Variants in ZNF487 observed in about 807,000 individuals in gnomAD.
ZNF487 encodes the protein zinc finger protein 487, also known as KRAB domain only 1.
ZNF487 carries 4 observed loss-of-function variants against 3.0 expected under a neutral mutation model. The ratio of observed to expected loss-of-function variants is 1.35; its 90% confidence interval spans 0.66 to 3.08. The LOEUF (loss-of-function observed/expected upper bound fraction) is 3.08, where lower values mean the gene tolerates loss of function less well. Ranked by LOEUF, ZNF487 falls within the 30% of genes most tolerant of loss-of-function variation. The pLI, the probability that ZNF487 is intolerant of heterozygous loss-of-function variation, is 0.01. For missense variants in ZNF487, 146 were observed against 98.7 expected (o/e 1.48, Z -2.03); for synonymous variants, 55 against 34.6 (o/e 1.59, Z -2.06).
the ZNF487 span, among the ~76,000 whole-genome samples, chr10:43,497,497 G>T: frequency 2.0e-5 from 3 of 152,148 alleles, no homozygotes; most frequent in Non-Finnish European, 4.4e-5. Flanking sequence ...GCAGATTGGG[G>T]AGCAGGCAGC....
In ZNF487 at chr10:43,482,020, G is replaced by A; in HGVS notation, c.*98G>A. ...GAGTCACCATGAATTCAATGAATGT[G>A]AGAGGAGGTCTGGTGAGAGGCCACC... On this transcript the variant is annotated 3_prime_UTR_variant, in exon 4 of 4. Coordinates refer to ENST00000437590, the MANE Select transcript of ZNF487 (RefSeq NM_001355444.3). 1 of 588,100 alleles carries A rather than the reference G, an allele frequency of 1.7e-6. No homozygotes were observed. The highest frequency in any genetic ancestry group is 3.0e-6 in the Non-Finnish European group (1 of 334,386). The allele number at this position is 588,100 out of a possible 1,614,324, so 36.4% of individuals were successfully genotyped here.
At chr10:43,457,786 G>A (rs1214718863) in intron 1 of ZNF487, among the ~76,000 whole-genome samples, 3 of 151,968 alleles carry the variant, frequency 2.0e-5, no homozygotes, top group Non-Finnish European at 4.4e-5. Flanking sequence ...ACTTTGGGAG[G>A]CCGAGGCGGG....
At chr10:43,440,755 C>G (rs1042667688) in intron 1 of ZNF487, among the ~76,000 whole-genome samples, 1 of 151,842 alleles carries the variant, frequency 6.6e-6, no homozygotes, top group Non-Finnish European at 1.5e-5. Context: ...CCTAGGGTAA[C>G]CACTGTCTTC....
chr10:43,498,573 C>T, the ZNF487 span, among the ~76,000 whole-genome samples: 3 of 151,646 alleles, frequency 2.0e-5, no homozygotes, highest in African/African-American at 7.2e-5. Flanking sequence ...CCACCGTGCC[C>T]AGTCCATAGA....
chr10:43,448,785 C>G (rs938763566), intron 1 of ZNF487, among the ~76,000 whole-genome samples: 3 of 151,592 alleles, frequency 2.0e-5, no homozygotes, highest in Non-Finnish European at 2.9e-5. Flanking sequence ...CCACTGTACT[C>G]CAGCCTAGGT....
chr10:43,475,984 A>C lies in ZNF487; in HGVS notation c.35-123A>C. 3 of 663,608 alleles carry C rather than the reference A, an allele frequency of 4.5e-6. No homozygotes were observed. In the Admixed American group the frequency reaches 6.9e-5, roughly 15 times the overall value. The allele number at this position is 663,608 out of a possible 1,614,324, so 41.1% of individuals were successfully genotyped here. A position where few individuals can be genotyped will look rare whatever the true frequency, so the allele number is the denominator to read the frequency against. Reference sequence around the variant, plus strand: ...GAAGCTTGATTGATCCCTTCTGGGCACTGTAAAGAATATCTGTGGTGTTTT... The same window carrying C: ...GAAGCTTGATTGATCCCTTCTGGGCCCTGTAAAGAATATCTGTGGTGTTTT... On this transcript the variant is annotated intron_variant, in intron 2 of 3. Coordinates refer to ENST00000437590, the MANE Select transcript of ZNF487 (RefSeq NM_001355444.3).
chr10:43,516,527 C>G, the ZNF487 span, among the ~76,000 whole-genome samples: 1 of 152,092 alleles, frequency 6.6e-6, no homozygotes, highest in Admixed American at 6.5e-5. Context: ...AGTCTTAACT[C>G]ACATCATCAC....
At chr10:43,489,361 A>G in the ZNF487 span, among the ~76,000 whole-genome samples, 1 of 152,052 alleles carries the variant, frequency 6.6e-6, no homozygotes, top group Non-Finnish European at 1.5e-5. Flanking sequence ...ATTTATTTTT[A>G]TTTATTTTTT....
At chr10:43,480,299 G>T (rs546358393) in intron 3 of ZNF487, among the ~76,000 whole-genome samples, 4 of 150,908 alleles carry the variant, frequency 2.7e-5, no homozygotes, top group African/African-American at 9.7e-5. Context: ...GTAGAGACAG[G>T]GTTTCACCAT....
downstream of ZNF487, among the ~76,000 whole-genome samples, chr10:43,483,536 T>G (rs201368585): frequency 2.7e-3 from 5 of 1,824 alleles, no homozygotes; most frequent in African/African-American, 0.014. Flanking sequence ...CCAGCCCTTC[T>G]TTTTTTTTTG....
chr10:43,470,883 G>A (rs979659128), intron 1 of ZNF487, among the ~76,000 whole-genome samples: 2 of 151,626 alleles, frequency 1.3e-5, no homozygotes, highest in Non-Finnish European at 2.9e-5. Flanking sequence ...ACAGTGGCAC[G>A]ATCATAGCTC....
chr10:43,467,804 G>A (rs1360447544), intron 1 of ZNF487, among the ~76,000 whole-genome samples: 2 of 148,122 alleles, frequency 1.4e-5, no homozygotes, highest in Non-Finnish European at 3.0e-5. Context: ...GCAACAGAAT[G>A]AGACTCTATC....
the ZNF487 span, among the ~76,000 whole-genome samples, chr10:43,494,959 G>A: frequency 1.0e-4 from 15 of 148,298 alleles, no homozygotes; most frequent in African/African-American, 3.2e-4. Flanking sequence ...AAATCAGCAC[G>A]CTGGAAGAAA....
the ZNF487 span, among the ~76,000 whole-genome samples, chr10:43,502,153 C>T: frequency 1.3e-5 from 2 of 152,132 alleles, no homozygotes; most frequent in African/African-American, 2.4e-5. Flanking sequence ...CAATGATAGA[C>T]TGGATTAAGA....
chr10:43,482,012 A>G lies in ZNF487; in HGVS notation c.*90A>G, dbSNP rs1841383528. On this transcript the variant is annotated 3_prime_UTR_variant, in exon 4 of 4. Coordinates refer to ENST00000437590, the MANE Select transcript of ZNF487 (RefSeq NM_001355444.3). ...ATAAGGAAGAGTCACCATGAATTCAATGAATGTGAGAGGAGGTCTGGTGAG... is the reference window on the plus strand; with the variant it reads ...ATAAGGAAGAGTCACCATGAATTCAGTGAATGTGAGAGGAGGTCTGGTGAG... 1 of 589,298 alleles carries G rather than the reference A, an allele frequency of 1.7e-6. No homozygotes were observed. Among genetic ancestry groups the G allele is most frequent in the African/African-American group, 1.9e-5 (1 of 53,630 alleles). The allele number at this position is 589,298 out of a possible 1,614,324, so 36.5% of individuals were successfully genotyped here. A position where few individuals can be genotyped will look rare whatever the true frequency, so the allele number is the denominator to read the frequency against.
rs538067414 is a variant in ZNF487, at chr10:43,482,003, A to G, written c.*81A>G. The G allele has an allele frequency of 5.2e-5, 31 of 590,576 alleles. No homozygotes were observed. Among genetic ancestry groups the G allele is most frequent in the African/African-American group, 5.0e-4 (27 of 53,798 alleles). 36.6% of individuals were successfully genotyped at this position (590,576 alleles called of 1,614,324 possible). A position where few individuals can be genotyped will look rare whatever the true frequency, so the allele number is the denominator to read the frequency against. On this transcript the variant is annotated 3_prime_UTR_variant, in exon 4 of 4. Transcript: ENST00000437590. The stretch of plus-strand genomic sequence containing the variant: ...AGAACTCACATAAGGAAGAGTCACC[A>G]TGAATTCAATGAATGTGAGAGGAGG...
the ZNF487 span, among the ~76,000 whole-genome samples, chr10:43,500,399 C>G: frequency 6.6e-6 from 1 of 152,018 alleles, no homozygotes; most frequent in African/African-American, 2.4e-5. Flanking sequence ...GCACTCCAGT[C>G]TGGGTGACAG....
the ZNF487 span, among the ~76,000 whole-genome samples, chr10:43,490,581 C>T: frequency 9.3e-5 from 11 of 118,640 alleles, no homozygotes; most frequent in Non-Finnish European, 1.8e-4. Flanking sequence ...ACAATCTTGG[C>T]TCACTGCAAC....
intron 3 of ZNF487, 69 bp from the exon 4 acceptor site, chr10:43,481,360 G>T: frequency 1.5e-6 from 1 of 645,820 alleles, no homozygotes; most frequent in South Asian, 1.8e-5. Flanking sequence ...AAAAGCATGT[G>T]AATATGTCTC....
Sources: gnomAD v4.1 joint callset for allele counts (sites outside exome capture counted in the v4.1 genomes callset) on GRCh38, gnomAD v4.1.1 for gene constraint, MANE v1.5 for transcripts, NCBI Gene and HGNC (gene_info 2026-07-23, HGNC 2026-07-21) for gene names.